The following RAD54B variants were observed in gnomAD, a reference collection of about 807,000 sequenced individuals.
RAD54B encodes the protein RAD54 homolog B, also known as DNA repair and recombination protein RAD54B.
Under a neutral mutation model 95.8 loss-of-function variants are expected in RAD54B, and 78 were observed. That is an observed-to-expected ratio of 0.81 (90% CI 0.68 to 0.98). The LOEUF (loss-of-function observed/expected upper bound fraction) is 0.98. Among genes scored for constraint, RAD54B ranks in the 50% least tolerant of loss-of-function variants. The probability of loss-of-function intolerance (pLI) is 0.00; values close to 1 mark genes in which losing one functional copy is unlikely to be tolerated. For synonymous variants in RAD54B, 328 were observed against 354.9 expected (o/e 0.92, Z 0.85); for missense variants, 957 against 1,056.6 (o/e 0.91, Z 1.31).
intron 3 of RAD54B, among the ~76,000 whole-genome samples, chr8:94,441,090 C>G (rs1292068492): frequency 6.7e-6 from 1 of 148,792 alleles, no homozygotes; most frequent in Non-Finnish European, 1.5e-5. Flanking sequence ...TCACTCTGAC[C>G]ACCGGTGCAT....
intron 3 of RAD54B, among the ~76,000 whole-genome samples, chr8:94,423,291 G>A (rs1470777728): frequency 1.3e-5 from 2 of 152,124 alleles, no homozygotes; most frequent in Admixed American, 6.5e-5. Context: ...GCTGAGGCAG[G>A]AGAATTGCTT....
At chr8:94,426,824 C>G (rs1430366032) in intron 3 of RAD54B, among the ~76,000 whole-genome samples, 1 of 152,134 alleles carries the variant, frequency 6.6e-6, no homozygotes, top group Non-Finnish European at 1.5e-5. Flanking sequence ...TAAATTTGTG[C>G]ATTTCACTGT....
intron 14 of RAD54B, among the ~76,000 whole-genome samples, chr8:94,377,869 G>C (rs1016728479): frequency 6.8e-6 from 1 of 147,614 alleles, no homozygotes; most frequent in South Asian, 2.2e-4. Context: ...CCAGCTACTC[G>C]GGAGGCTGAG....
At chr8:94,387,281 CTGTT>C in intron 10 of RAD54B, 122 bp from the exon 11 acceptor site, 1 of 781,596 alleles carries the variant, frequency 1.3e-6, no homozygotes, top group Non-Finnish European at 2.0e-6. Context: ...GTCCAAGAAA[CTGTT>C]AGGTAAATCT....
intron 8 of RAD54B, among the ~76,000 whole-genome samples, chr8:94,397,684 TTCTTA>T (rs1467967946): frequency 6.6e-6 from 1 of 152,164 alleles, no homozygotes; most frequent in African/African-American, 2.4e-5. Flanking sequence ...CTACTTTTAT[TTCTTA>T]TCTTCAGTAC....
chr8:94,399,466 C>CT lies in RAD54B; in HGVS notation c.1325dup (p.Thr443AspfsTer7). On this transcript the variant is annotated frameshift_variant, in exon 8 of 15. Coordinates refer to ENST00000336148, the MANE Select transcript of RAD54B (RefSeq NM_012415.3). LOFTEE classifies it high-confidence loss of function. ...AAAGGCTAATGAGGGCTGTAGTTGTCTTAATGGCACTGTTCTTCAAACGAT... is the reference window on the plus strand; with the variant it reads ...AAAGGCTAATGAGGGCTGTAGTTGTCTTTAATGGCACTGTTCTTCAAACGAT... 6.2e-7 allele frequency: 1 copy of CT among 1,613,620 alleles called. No individual in the cohort carries two copies. The highest frequency in any genetic ancestry group is 8.5e-7 in the Non-Finnish European group (1 of 1,179,692).
At chr8:94,461,787 C>A (rs547806838) in intron 2 of RAD54B, among the ~76,000 whole-genome samples, 1 of 152,144 alleles carries the variant, frequency 6.6e-6, no homozygotes, top group African/African-American at 2.4e-5. Context: ...TATGCTCCTT[C>A]GCCTCTAAAT....
chr8:94,435,139 T>G (rs1028236303), intron 3 of RAD54B, among the ~76,000 whole-genome samples: 1 of 152,174 alleles, frequency 6.6e-6, no homozygotes, highest in Non-Finnish European at 1.5e-5. Flanking sequence ...AAATTCTGCA[T>G]AAGTAGCACA....
chr8:94,429,172 T>C (rs1196580849), intron 3 of RAD54B: 1 of 913,040 alleles, frequency 1.1e-6, no homozygotes. Context: ...TTTCTTATTG[T>C]ATACAGCCCC....
Position 94,372,132 on chromosome 8 carries a change from C to G in RAD54B, c.*38G>C, listed in dbSNP as rs1238326380. On this transcript the variant is annotated 3_prime_UTR_variant, in exon 15 of 15. Coordinates refer to ENST00000336148, the MANE Select transcript of RAD54B (RefSeq NM_012415.3). ...TACATTTAATTACCATACTAATTTT[C>G]AAAAGAAGAGCAATGGAATGTCAGA... is the stretch of plus-strand genomic sequence containing the variant. 6.5e-7 allele frequency: 1 copy of G among 1,544,730 alleles called. No individual in the cohort carries two copies. The highest frequency in any genetic ancestry group is 8.7e-7 in the Non-Finnish European group (1 of 1,154,368).
At chr8:94,395,876 C>A (rs753048802) in intron 8 of RAD54B, among the ~76,000 whole-genome samples, 1 of 152,168 alleles carries the variant, frequency 6.6e-6, no homozygotes, top group Non-Finnish European at 1.5e-5. Flanking sequence ...TTGATGACAA[C>A]GTTGGGTTGT....
At chr8:94,426,934 A>G (rs1326597852) in intron 3 of RAD54B, among the ~76,000 whole-genome samples, 1 of 152,212 alleles carries the variant, frequency 6.6e-6, no homozygotes, top group African/African-American at 2.4e-5. Flanking sequence ...TAACTCTACA[A>G]CTTGTTTCGA....
At chr8:94,407,354 A>G in intron 5 of RAD54B, 85 bp downstream of exon 5, 1 of 1,367,364 alleles carries the variant, frequency 7.3e-7, no homozygotes, top group Non-Finnish European at 9.9e-7. Flanking sequence ...TAAAACTTTT[A>G]AAACAAAATT....
rs371227935 is a variant in RAD54B, at chr8:94,371,962, CA to C, written c.*207del. ...AATCAAGGAATTATTAACAATTATA[CA>C]ATGATATAAGCACATCTTTATTTTT... On this transcript the variant is annotated 3_prime_UTR_variant, in exon 15 of 15. Coordinates refer to ENST00000336148, the MANE Select transcript of RAD54B (RefSeq NM_012415.3). 3.8e-4 allele frequency: 298 copies of C among 781,900 alleles called. 2 individuals carry two copies. The East Asian group carries it at 0.011, about 29-fold the overall frequency. The allele number at this position is 781,900 out of a possible 1,614,324, so 48.4% of individuals were successfully genotyped here.
At chr8:94,402,361 C>A (rs1811286641) in intron 6 of RAD54B, among the ~76,000 whole-genome samples, 1 of 151,600 alleles carries the variant, frequency 6.6e-6, no homozygotes, top group Non-Finnish European at 1.5e-5. Context: ...TCAAGTGATT[C>A]TCCTGCCTCA....
At chr8:94,448,049 C>T (rs570121506) in intron 3 of RAD54B, among the ~76,000 whole-genome samples, 1 of 152,156 alleles carries the variant, frequency 6.6e-6, no homozygotes, top group East Asian at 1.9e-4. Flanking sequence ...TTTTCTTTCC[C>T]TTGTGTTTTC....
At chr8:94,460,563 CT>C in intron 2 of RAD54B, among the ~76,000 whole-genome samples, 1 of 152,158 alleles carries the variant, frequency 6.6e-6, no homozygotes, top group Admixed American at 6.5e-5. Context: ...GCTATTTTCT[CT>C]TTTTTTTGTA....
At chr8:94,467,657 C>T in intron 1 of RAD54B, 102 bp from the exon 2 acceptor site, 1 of 1,161,944 alleles carries the variant, frequency 8.6e-7, no homozygotes. Context: ...ACAGAAACCC[C>T]TCTTATGGGC....
At chr8:94,395,410 G>A (rs1027031301) in intron 8 of RAD54B, among the ~76,000 whole-genome samples, 4 of 152,102 alleles carry the variant, frequency 2.6e-5, no homozygotes, top group Admixed American at 6.6e-5. Context: ...GCACCATAAC[G>A]TTGGTCCTGA....
Sources: allele counts gnomAD v4.1 joint callset (sites outside exome capture counted in the v4.1 genomes callset), GRCh38; gene constraint gnomAD v4.1.1; transcripts MANE v1.5; gene names NCBI Gene and HGNC (gene_info 2026-07-23, HGNC 2026-07-21).